Variants in RGS7 observed in about 807,000 individuals in gnomAD.
The protein encoded by RGS7 is regulator of G protein signaling 7.
Under a neutral mutation model 81.1 loss-of-function variants are expected in RGS7, and 27 were observed. The observed-to-expected ratio is 0.33, with a 90% CI of 0.25 to 0.46. The LOEUF (loss-of-function observed/expected upper bound fraction) is 0.46, where lower values mean the gene tolerates loss of function less well. RGS7 is among the 20% of genes least tolerant of loss of function. The pLI, the probability that RGS7 is intolerant of heterozygous loss-of-function variation, is 1.00. For missense variants in RGS7, 396 were observed against 607.4 expected, an observed-to-expected ratio of 0.65 and a Z score of 3.66; for synonymous variants, 208 against 207.7, an observed-to-expected ratio of 1.00 and a Z score of -0.01.
intron 6 of RGS7, among the ~76,000 whole-genome samples, chr1:240,873,498 G>A (rs987073671): frequency 2.6e-5 from 4 of 152,156 alleles, no homozygotes; most frequent in African/African-American, 4.8e-5. Flanking sequence ...GGCTAAGAAA[G>A]CTCCATAGAT....
intron 3 of RGS7, among the ~76,000 whole-genome samples, chr1:241,022,963 T>A (rs2059611434): frequency 6.6e-6 from 1 of 152,008 alleles, no homozygotes; most frequent in Non-Finnish European, 1.5e-5. Flanking sequence ...TAATAATAAC[T>A]AATAACAACT....
intron 3 of RGS7, among the ~76,000 whole-genome samples, chr1:241,047,733 C>CTTTTTTTTTTTTTTT (rs34738551): frequency 4.5e-5 from 4 of 89,514 alleles, no homozygotes; most frequent in Non-Finnish European, 6.2e-5. Flanking sequence ...GTTTACAATC[C>CTTTTTTTTTTTTTTT]TTTTTTTTTT....
chr1:241,040,883 T>G (rs2060581231), intron 3 of RGS7, among the ~76,000 whole-genome samples: 1 of 152,170 alleles, frequency 6.6e-6, no homozygotes, highest in Non-Finnish European at 1.5e-5. Context: ...CCCTGTTCTA[T>G]CTAACCAACA....
intron 3 of RGS7, among the ~76,000 whole-genome samples, chr1:241,066,201 G>T (rs2062052562): frequency 6.6e-6 from 1 of 152,102 alleles, no homozygotes; most frequent in Non-Finnish European, 1.5e-5. Flanking sequence ...CTCCCTGAAG[G>T]TGTTCCTCAT....
At chr1:241,080,342 T>C (rs548362347) in intron 3 of RGS7, among the ~76,000 whole-genome samples, 67 of 151,196 alleles carry the variant, frequency 4.4e-4, no homozygotes, top group African/African-American at 1.5e-3. Context: ...CTTGAGAATG[T>C]AGAAAATAAT....
intron 3 of RGS7, among the ~76,000 whole-genome samples, chr1:241,042,305 T>A (rs1055124088): frequency 6.6e-6 from 1 of 152,114 alleles, no homozygotes; most frequent in Admixed American, 6.6e-5. Context: ...AGTTCACCAC[T>A]CAGAAGAACT....
chr1:241,000,894 T>C (rs1345144284), intron 3 of RGS7, among the ~76,000 whole-genome samples: 2 of 150,122 alleles, frequency 1.3e-5, no homozygotes, highest in Non-Finnish European at 2.9e-5. Context: ...TGACCTCAGG[T>C]GATCCACCTG....
intron 6 of RGS7, among the ~76,000 whole-genome samples, chr1:240,908,488 A>C (rs1671219858): frequency 6.6e-6 from 1 of 152,182 alleles, no homozygotes; most frequent in African/African-American, 2.4e-5. Flanking sequence ...TGAATGAATG[A>C]ATCAATCAAT....
At chr1:240,971,254 C>T (rs1401246747) in intron 4 of RGS7, among the ~76,000 whole-genome samples, 1 of 152,146 alleles carries the variant, frequency 6.6e-6, no homozygotes, top group African/African-American at 2.4e-5. Flanking sequence ...GCCACCAGCA[C>T]CTTGACCTTG....
intron 3 of RGS7, among the ~76,000 whole-genome samples, chr1:241,007,848 T>A (rs984450825): frequency 2.4e-4 from 36 of 152,122 alleles, no homozygotes; most frequent in African/African-American, 8.4e-4. Flanking sequence ...CACCTGTGAT[T>A]AAGGCGCTGC....
intron 2 of RGS7, among the ~76,000 whole-genome samples, chr1:241,238,967 T>TCTC (rs1553295997): frequency 0.018 from 247 of 13,996 alleles, 1 homozygote; most frequent in African/African-American, 0.024. Flanking sequence ...CCTCTCTCTC[T>TCTC]TTTTTTTTTT....
intron 17 of RGS7, among the ~76,000 whole-genome samples, chr1:240,801,018 G>T (rs1196467974): frequency 1.3e-5 from 2 of 152,028 alleles, no homozygotes; most frequent in Non-Finnish European, 2.9e-5. Context: ...ATTTTAAACT[G>T]CTCAGTAGAT....
chr1:240,921,197 T>C (rs1214236486), intron 6 of RGS7, among the ~76,000 whole-genome samples: 1 of 152,080 alleles, frequency 6.6e-6, no homozygotes, highest in Non-Finnish European at 1.5e-5. Context: ...TTATTGGTTA[T>C]AAAAATGAGT....
chr1:241,024,869 A>ATG (rs2059712108), intron 3 of RGS7, among the ~76,000 whole-genome samples: 2 of 134,694 alleles, frequency 1.5e-5, no homozygotes, highest in Non-Finnish European at 3.4e-5. Context: ...TTTATCAAGA[A>ATG]CGAGAGTAAG....
In RGS7 at chr1:241,199,187, G is replaced by A. The variant is rs114408833; in HGVS notation, c.79-100425C>T. Among the ~76,000 whole-genome samples, 1,409 of 152,004 alleles carry A rather than the reference G, an allele frequency of 9.3e-3. 22 individuals are homozygous for A. The highest frequency in any genetic ancestry group is 0.032 in the African/African-American group (1,321 of 41,468). On this transcript the variant is annotated intron_variant, in intron 2 of 18. Coordinates refer to ENST00000440928, the MANE Select transcript of RGS7 (RefSeq NM_001364886.1). Reference sequence around the variant, plus strand: ...ATAAAAAAAAAAGACTTTATTGGCCGGTCTCACGCCTGTAATCCCAGCACT... The same window carrying A: ...ATAAAAAAAAAAGACTTTATTGGCCAGTCTCACGCCTGTAATCCCAGCACT...
chr1:240,799,885 A>G (rs1280966296), intron 18 of RGS7, among the ~76,000 whole-genome samples: 1 of 152,112 alleles, frequency 6.6e-6, no homozygotes, highest in Non-Finnish European at 1.5e-5. Flanking sequence ...CCCTTTCTTA[A>G]AGTTTGCAGT....
At chr1:241,046,034 A>G (rs578112860) in intron 3 of RGS7, among the ~76,000 whole-genome samples, 48 of 151,972 alleles carry the variant, frequency 3.2e-4, no homozygotes, top group Non-Finnish European at 6.2e-4. Flanking sequence ...TAGGGCTGTT[A>G]TGCTTCCTGT....
At chr1:241,098,171 T>A (rs2064426219) in intron 3 of RGS7, among the ~76,000 whole-genome samples, 1 of 152,208 alleles carries the variant, frequency 6.6e-6, no homozygotes. Flanking sequence ...TCACAGACCC[T>A]CATAACCTGA....
At chr1:241,079,997 AAT>A in intron 3 of RGS7, among the ~76,000 whole-genome samples, 2 of 152,316 alleles carry the variant, frequency 1.3e-5, no homozygotes, top group Middle Eastern at 6.8e-3. Context: ...ATGAAAATGT[AAT>A]ATGTCTGCAT....
Sources: gnomAD v4.1 joint callset for allele counts (sites outside exome capture counted in the v4.1 genomes callset) on GRCh38, gnomAD v4.1.1 for gene constraint, MANE v1.5 for transcripts, NCBI Gene and HGNC (gene_info 2026-07-23, HGNC 2026-07-21) for gene names.